NTN4: variants seen among roughly 807,000 people sequenced by gnomAD.
The protein encoded by NTN4 is netrin-4.
In NTN4, 32 loss-of-function variants were observed where a neutral mutation model predicts 73.6. That is an observed-to-expected ratio of 0.44 (90% CI 0.33 to 0.58). The LOEUF is 0.58. Ranked by LOEUF, NTN4 falls within the 20% of genes least tolerant of loss-of-function variation. The pLI is 0.04. For missense variants in NTN4, 654 were observed against 798.3 expected (o/e 0.82, Z 2.18); for synonymous variants, 258 against 287.5 (o/e 0.90, Z 1.04).
chr12:95,774,964 G>A (rs1324924056), intron 2 of NTN4, among the ~76,000 whole-genome samples: 1 of 152,194 alleles, frequency 6.6e-6, no homozygotes, highest in African/African-American at 2.4e-5. Flanking sequence ...ATAGCACTGG[G>A]CTAGAAGTCA....
chr12:95,709,541 T>TC (rs781088101), intron 5 of NTN4, among the ~76,000 whole-genome samples: 114 of 46,660 alleles, frequency 2.4e-3, no homozygotes, highest in African/African-American at 6.8e-3. Context: ...TCTCTCTCTC[T>TC]TTTTTTTTTT....
At chr12:95,770,052 C>T (rs112378082) in intron 2 of NTN4, among the ~76,000 whole-genome samples, 20,906 of 152,078 alleles carry the variant, frequency 0.14, 1,646 homozygotes, top group Non-Finnish European at 0.18. Flanking sequence ...TGACCACTCC[C>T]GGCGGGTTTT....
chr12:95,672,178 G>T, intron 7 of NTN4: 1 of 502,198 alleles, frequency 2.0e-6, no homozygotes, highest in Admixed American at 3.3e-5. Flanking sequence ...AAAAATTGTC[G>T]AGCACGCAGG....
At chr12:95,749,843 C>A (rs899745393) in intron 2 of NTN4, among the ~76,000 whole-genome samples, 2 of 150,372 alleles carry the variant, frequency 1.3e-5, no homozygotes, top group Admixed American at 6.6e-5. Context: ...TCTCCTTCAC[C>A]CTTAGCGGCA....
chr12:95,712,960 G>A (rs1254620576), intron 4 of NTN4, among the ~76,000 whole-genome samples: 9 of 151,906 alleles, frequency 5.9e-5, no homozygotes, highest in African/African-American at 1.9e-4. Context: ...TTATAAAAGA[G>A]TTCTTAGCTC....
At chr12:95,694,868 T>C (rs905098219) in intron 5 of NTN4, among the ~76,000 whole-genome samples, 11 of 152,188 alleles carry the variant, frequency 7.2e-5, no homozygotes, top group African/African-American at 2.7e-4. Flanking sequence ...GGCTCATGCC[T>C]GTAATCCCAG....
In NTN4 at chr12:95,665,923, A is replaced by G. The variant is rs2078175838; in HGVS notation, c.1637T>C (p.Val546Ala). 3.1e-6 allele frequency: 5 copies of G among 1,613,620 alleles called. No individual in the cohort carries two copies. The highest frequency in any genetic ancestry group is 4.2e-6 in the Non-Finnish European group (5 of 1,179,594). The change falls in exon 9 of 10, where the codon GTG becomes GCG. Residue 546 changes from valine to alanine, a missense_variant. Coordinates refer to ENST00000343702, the MANE Select transcript of NTN4 (RefSeq NM_021229.4). ...HDKGTHVEVNVKIKKVLKSTK... is the reference protein window; with the variant it reads ...HDKGTHVEVNAKIKKVLKSTK... Reference sequence around the variant, plus strand: ...AGATTTTAAGACCTTTTTAATCTTCACATTGACCTCAACATGAGTACCTTT... The same window carrying G: ...AGATTTTAAGACCTTTTTAATCTTCGCATTGACCTCAACATGAGTACCTTT...
chr12:95,774,175 C>CTT (rs546496727), intron 2 of NTN4, among the ~76,000 whole-genome samples: 22 of 101,108 alleles, frequency 2.2e-4, no homozygotes, highest in South Asian at 4.0e-4. Flanking sequence ...GTTTTTCTCT[C>CTT]TTTTTTTTTT....
intron 3 of NTN4, among the ~76,000 whole-genome samples, chr12:95,732,319 C>T (rs964318497): frequency 2.1e-5 from 3 of 144,406 alleles, no homozygotes; most frequent in Admixed American, 1.4e-4. Context: ...ATAACTTTAT[C>T]GTTTTTAAAA....
chr12:95,738,746 A>G (rs1368282323), intron 2 of NTN4, among the ~76,000 whole-genome samples: 3 of 152,200 alleles, frequency 2.0e-5, no homozygotes, highest in Non-Finnish European at 4.4e-5. Flanking sequence ...CAAAAGTATG[A>G]AAAGGAAAGA....
At chr12:95,700,079 G>GTTTT (rs1565888823) in intron 5 of NTN4, among the ~76,000 whole-genome samples, 1 of 86,292 alleles carries the variant, frequency 1.2e-5, no homozygotes, top group Admixed American at 1.4e-4. Flanking sequence ...CTAAAGTGAG[G>GTTTT]ATTTTTTTTT....
intron 8 of NTN4, among the ~76,000 whole-genome samples, chr12:95,668,235 G>A (rs1159299014): frequency 6.6e-6 from 1 of 150,980 alleles, no homozygotes; most frequent in Admixed American, 6.6e-5. Flanking sequence ...ATAAGACCAA[G>A]ATGTTTCATT....
chr12:95,709,465 A>G (rs1287032668), intron 5 of NTN4, among the ~76,000 whole-genome samples: 1 of 151,990 alleles, frequency 6.6e-6, no homozygotes, highest in Non-Finnish European at 1.5e-5. Context: ...AGATCTTTTC[A>G]AATTCTATTC....
intron 5 of NTN4, among the ~76,000 whole-genome samples, chr12:95,704,209 C>T (rs948073915): frequency 6.6e-6 from 1 of 152,156 alleles, no homozygotes; most frequent in Non-Finnish European, 1.5e-5. Context: ...CACAGAGTAG[C>T]AGTTTGCTTT....
intron 7 of NTN4, among the ~76,000 whole-genome samples, chr12:95,677,347 G>C (rs927020760): frequency 6.7e-6 from 1 of 150,256 alleles, no homozygotes; most frequent in African/African-American, 2.4e-5. Context: ...TCTACTCATA[G>C]ACACTGTGTC....
At chr12:95,764,494 G>A (rs1369058327) in intron 2 of NTN4, among the ~76,000 whole-genome samples, 4 of 152,064 alleles carry the variant, frequency 2.6e-5, no homozygotes, top group East Asian at 1.9e-4. Context: ...GCGAAACCCC[G>A]TCTCTACTAA....
At chr12:95,667,799 G>A (rs1269953427) in intron 8 of NTN4, among the ~76,000 whole-genome samples, 1 of 151,990 alleles carries the variant, frequency 6.6e-6, no homozygotes. Context: ...GGCAGAGGTT[G>A]CAGTGAGTCC....
intron 3 of NTN4, among the ~76,000 whole-genome samples, chr12:95,719,476 G>A (rs879543413): frequency 1.3e-5 from 2 of 152,040 alleles, no homozygotes; most frequent in Admixed American, 6.6e-5. Context: ...CAAATGTGAA[G>A]GCAAAAACTG....
chr12:95,768,656 A>G (rs78185562), intron 2 of NTN4, among the ~76,000 whole-genome samples: 18,538 of 152,218 alleles, frequency 0.12, 1,512 homozygotes, highest in Non-Finnish European at 0.18. Flanking sequence ...AGTTTCAAGC[A>G]AGGAAGTAAC....
Sources: gnomAD v4.1 joint callset for allele counts (sites outside exome capture counted in the v4.1 genomes callset) on GRCh38, gnomAD v4.1.1 for gene constraint, MANE v1.5 for transcripts, NCBI Gene and HGNC (gene_info 2026-07-23, HGNC 2026-07-21) for gene names.